ITGA4: variants seen among roughly 807,000 people sequenced by gnomAD.
ITGA4 encodes integrin subunit alpha 4.
Under a neutral mutation model 133.6 loss-of-function variants are expected in ITGA4, and 63 were observed. That is an observed-to-expected ratio of 0.47 (90% CI 0.38 to 0.58). The LOEUF (loss-of-function observed/expected upper bound fraction) is 0.58. ITGA4 is among the 20% of genes least tolerant of loss of function. The probability of loss-of-function intolerance (pLI) is 0.00; values close to 1 mark genes in which losing one functional copy is unlikely to be tolerated. For missense variants in ITGA4, 1,076 were observed against 1,252.7 expected (o/e 0.86, Z 2.13); for synonymous variants, 483 against 438.0 (o/e 1.10, Z -1.28).
rs200824437 is a variant in ITGA4, at chr2:181,536,991, C to T, written c.*1464C>T. ...TCCTAATTGATGAAAGTTATCTGTT[C>T]ACAGGCCTGCAGTGATGGTGAGGAA... On this transcript the variant is annotated 3_prime_UTR_variant, in exon 28 of 28. Transcript: ENST00000397033. The T allele has an allele frequency of 4.7e-5, 21 of 451,262 alleles. No homozygotes were observed. The highest frequency in any genetic ancestry group is 8.9e-5 in the Non-Finnish European group (20 of 225,688). The allele number at this position is 451,262 out of a possible 1,614,324, so 28.0% of individuals were successfully genotyped here.
chr2:181,478,423 ATGT>A (rs1685730574), intron 4 of ITGA4, among the ~76,000 whole-genome samples: 1 of 152,090 alleles, frequency 6.6e-6, no homozygotes, highest in Non-Finnish European at 1.5e-5. Flanking sequence ...ATCAAACCTG[ATGT>A]TGTACACCTT....
chr2:181,521,278 T>A (rs1368024080), intron 17 of ITGA4, among the ~76,000 whole-genome samples: 1 of 152,158 alleles, frequency 6.6e-6, no homozygotes, highest in Non-Finnish European at 1.5e-5. Flanking sequence ...GTTCTAACCC[T>A]CTCACTGGGA....
At chr2:181,468,132 C>T (rs143227394) in intron 2 of ITGA4, among the ~76,000 whole-genome samples, 1 of 152,328 alleles carries the variant, frequency 6.6e-6, no homozygotes, top group African/African-American at 2.4e-5. Context: ...ACAGTCCTTG[C>T]AGAAACCCTC....
Position 181,498,681 on chromosome 2 carries a change from C to G in ITGA4, c.1599C>G (p.Phe533Leu), listed in dbSNP as rs745706446. The G allele has an allele frequency of 1.2e-6, 2 of 1,612,318 alleles. No individual in the cohort carries two copies. Among genetic ancestry groups the G allele is most frequent in the South Asian group, 2.2e-5 (2 of 90,998 alleles). ...GAAAGGCAGAGTCTCCACCAAGATT[C>G]TATTTCTCTTCTAATGGAACTTCTG... ...VNRKAESPPR[F>L]YFSSNGTSDV... The change falls in exon 15 of 28, where the codon TTC becomes TTG. Residue 533 changes from phenylalanine to leucine, a missense_variant. Physicochemically the swap from Phe to Leu is conservative, Grantham distance 22. This residue lies in a region of ITGA4 where 365 missense variants were observed against 421.4 expected (regional missense o/e 0.87). Transcript: ENST00000397033.
chr2:181,469,810 C>G (rs1448476494), intron 2 of ITGA4, among the ~76,000 whole-genome samples: 1 of 151,232 alleles, frequency 6.6e-6, no homozygotes, highest in Non-Finnish European at 1.5e-5. Context: ...TAAACTATCA[C>G]AAGAACAAAA....
intron 2 of ITGA4, among the ~76,000 whole-genome samples, chr2:181,471,904 G>A (rs1685561404): frequency 6.6e-6 from 1 of 152,150 alleles, no homozygotes; most frequent in Non-Finnish European, 1.5e-5. Flanking sequence ...AGAAGGGAAG[G>A]GCATGAGCCA....
At chr2:181,532,773 A>C (rs1686970286) in intron 25 of ITGA4, among the ~76,000 whole-genome samples, 1 of 152,120 alleles carries the variant, frequency 6.6e-6, no homozygotes, top group African/African-American at 2.4e-5. Context: ...AACTTCCAAT[A>C]CTGTGTTGAA....
intron 4 of ITGA4, among the ~76,000 whole-genome samples, chr2:181,477,105 A>G (rs919894669): frequency 5.3e-5 from 8 of 152,166 alleles, no homozygotes; most frequent in Non-Finnish European, 1.0e-4. Flanking sequence ...AAACTTGCAC[A>G]TGAACCCTGA....
chr2:181,462,952 A>G (rs1379174701), intron 2 of ITGA4, among the ~76,000 whole-genome samples: 2 of 152,196 alleles, frequency 1.3e-5, no homozygotes, highest in African/African-American at 4.8e-5. Flanking sequence ...TACAAAAGAA[A>G]CATACTCCTT....
intron 5 of ITGA4, among the ~76,000 whole-genome samples, 157 bp from the exon 6 acceptor site, chr2:181,479,980 C>T (rs1685766968): frequency 6.8e-6 from 1 of 146,192 alleles, no homozygotes. Context: ...ACTTCTCTGG[C>T]TTTTTTTTTT....
rs192799108 is a variant in ITGA4 at position 181,534,124 on chromosome 2, C to G, written c.2785-148C>G. 566 of 576,928 alleles carry G rather than the reference C, an allele frequency of 9.8e-4. 2 individuals carry two copies. Among genetic ancestry groups the G allele is most frequent in the Non-Finnish European group, 7.1e-4 (227 of 319,652 alleles). 35.7% of individuals were successfully genotyped at this position (576,928 alleles called of 1,614,324 possible). ...TAATACCAAGACCACACTTTGGGAA[C>G]CAAAGGAGGCACTGCAGTTAATTTT... On this transcript the variant is annotated intron_variant, in intron 25 of 27. Transcript: ENST00000397033.
intron 17 of ITGA4, among the ~76,000 whole-genome samples, chr2:181,515,185 G>A (rs879814313): frequency 6.6e-6 from 1 of 151,996 alleles, no homozygotes; most frequent in Non-Finnish European, 1.5e-5. Context: ...TTCCAGATTT[G>A]AAGTCAATCT....
chr2:181,458,346 T>C (rs200235211), intron 2 of ITGA4, 29 bp downstream of exon 2: 64 of 1,602,326 alleles, frequency 4.0e-5, no homozygotes, highest in Non-Finnish European at 5.1e-6. Flanking sequence ...CAGGAGTTAG[T>C]GACCTCCCGA....
At chr2:181,498,481 T>TA in intron 14 of ITGA4, 142 bp from the exon 15 acceptor site, 1 of 442,230 alleles carries the variant, frequency 2.3e-6, no homozygotes, top group Non-Finnish European at 4.0e-6. Flanking sequence ...TATTTCAGGT[T>TA]AGTCTTTAAA....
chr2:181,500,446 G>A (rs1380574066), intron 15 of ITGA4, among the ~76,000 whole-genome samples: 1 of 152,100 alleles, frequency 6.6e-6, no homozygotes, highest in Admixed American at 6.6e-5. Context: ...ACACTCTTAA[G>A]TTTCTACAGT....
chr2:181,520,568 C>T (rs1198998886), intron 17 of ITGA4, among the ~76,000 whole-genome samples: 1 of 152,016 alleles, frequency 6.6e-6, no homozygotes, highest in Non-Finnish European at 1.5e-5. Context: ...CAATTAGAAA[C>T]TCAATCCAAG....
chr2:181,526,821 C>CTTTTTTTTTGTTTTTTTTTTTTTT (rs1686838994), intron 21 of ITGA4, among the ~76,000 whole-genome samples: 1 of 40,994 alleles, frequency 2.4e-5, no homozygotes, highest in Non-Finnish European at 5.5e-5. Flanking sequence ...AGCACATGGC[C>CTTTTTTTTTGTTTTTTTTTTTTTT]TTTTTTTTTT....
chr2:181,515,757 A>G (rs2105760602), intron 17 of ITGA4, among the ~76,000 whole-genome samples: 1 of 152,244 alleles, frequency 6.6e-6, no homozygotes, highest in South Asian at 2.1e-4. Context: ...ATTATACTCT[A>G]TCAGACAGAA....
At chr2:181,515,596 G>A (rs892836998) in intron 17 of ITGA4, among the ~76,000 whole-genome samples, 13 of 151,984 alleles carry the variant, frequency 8.6e-5, no homozygotes, top group African/African-American at 2.9e-4. Flanking sequence ...AGTAGTAGGC[G>A]CCATATTTTT....
Sources: allele counts gnomAD v4.1 joint callset (sites outside exome capture counted in the v4.1 genomes callset), GRCh38; gene constraint gnomAD v4.1.1; regional missense constraint gnomAD v4.1.1; transcripts MANE v1.5; gene names NCBI Gene and HGNC (gene_info 2026-07-23, HGNC 2026-07-21).